Variants in UPRT observed in about 807,000 individuals in gnomAD.
UPRT encodes RP11-311P8.3.
A neutral mutation model predicts 22.6 loss-of-function variants in UPRT; 5 were observed. That is an observed-to-expected ratio of 0.22 (90% CI 0.12 to 0.47). The LOEUF (loss-of-function observed/expected upper bound fraction) is 0.47. UPRT is among the 20% of genes least tolerant of loss of function. UPRT has a pLI of 0.99. For missense variants in UPRT, 181 were observed against 239.9 expected (o/e 0.75, Z 1.62); for synonymous variants, 77 against 87.7 (o/e 0.88, Z 0.68).
intron 4 of UPRT, among the ~76,000 whole-genome samples, chrX:75,247,414 C>T (rs756846065): frequency 1.1e-4 from 12 of 112,149 alleles, no homozygotes; most frequent in African/African-American, 3.2e-4. Flanking sequence ...GTTTAACAAA[C>T]GGCACACCAA....
At chrX:75,247,622 G>C (rs2082511583) in intron 4 of UPRT, among the ~76,000 whole-genome samples, 1 of 112,766 alleles carries the variant, frequency 8.9e-6, no homozygotes, top group African/African-American at 3.2e-5. Flanking sequence ...AAGGAGGCCT[G>C]CCTGCCTCTA....
rs189628806 is a variant in UPRT at position 75,185,321 on chromosome X, A to G, written c.-447+17442A>G. On this transcript the variant is annotated intron_variant, in intron 4 of 13. Transcript: ENST00000652605. Reference sequence around the variant, plus strand: ...GGGTTCTGTGTATATGCTGGATTACATTTATTGATTTGCGTATATTGAACC... The same window carrying G: ...GGGTTCTGTGTATATGCTGGATTACGTTTATTGATTTGCGTATATTGAACC... 3.0e-3 allele frequency among the ~76,000 whole-genome samples: 340 copies of G among 112,084 alleles called. 2 individuals are homozygous for G. Among genetic ancestry groups the G allele is most frequent in the South Asian group, 0.01 (27 of 2,664 alleles).
At chrX:75,158,712 G>A (rs1278925269) in intron 1 of UPRT, among the ~76,000 whole-genome samples, 1 of 111,546 alleles carries the variant, frequency 9.0e-6, no homozygotes, top group Non-Finnish European at 1.9e-5. Context: ...TCTCACCTCA[G>A]GACCTTTCCA....
intron 4 of UPRT, among the ~76,000 whole-genome samples, chrX:75,182,357 G>A (rs1196203261): frequency 8.9e-6 from 1 of 111,908 alleles, no homozygotes; most frequent in African/African-American, 3.3e-5. Flanking sequence ...GTATGAGGAT[G>A]ATACTGGCTT....
chrX:75,156,899 T>TCTCACA (rs1555961118), intron 1 of UPRT, among the ~76,000 whole-genome samples: 1 of 99,547 alleles, frequency 1.0e-5, no homozygotes, highest in African/African-American at 3.8e-5. Context: ...TGGGACAGTC[T>TCTCACA]CACACACACA....
chrX:75,287,158 G>T (rs1220632330), intron 1 of UPRT, among the ~76,000 whole-genome samples: 1 of 110,908 alleles, frequency 9.0e-6, no homozygotes, highest in Non-Finnish European at 1.9e-5. Context: ...ATTGATTTTT[G>T]TAAAAAAAAG....
rs890086896 is a variant in UPRT at position 75,303,702 on chromosome X, A to G, written c.*191A>G. On this transcript the variant is annotated 3_prime_UTR_variant, in exon 7 of 7. Transcript: ENST00000373383. ...CTGTTGGCACCGAATTCAACAATGA[A>G]GTATATGCAACTCTTACAAAACATA... is the stretch of plus-strand genomic sequence containing the variant. 1.2e-5 allele frequency: 4 copies of G among 326,998 alleles called. No individual in the cohort carries two copies. Among genetic ancestry groups the G allele is most frequent in the African/African-American group, 2.8e-5 (1 of 36,326 alleles). 26.9% of individuals were successfully genotyped at this position (326,998 alleles called of 1,213,427 possible).
chrX:75,264,868 C>A (rs1431356132), intron 4 of UPRT, among the ~76,000 whole-genome samples: 1 of 111,982 alleles, frequency 8.9e-6, no homozygotes, highest in African/African-American at 3.2e-5. Context: ...TCTTTTAGGG[C>A]AGGCCTGGTG....
At chrX:75,162,106 CTTT>C (rs5902736) in intron 2 of UPRT, among the ~76,000 whole-genome samples, 12 of 78,939 alleles carry the variant, frequency 1.5e-4, no homozygotes, top group African/African-American at 1.7e-4. Context: ...TCTTTCTTTT[CTTT>C]TTTTTTTTTT....
At chrX:75,200,615 A>G (rs1259218669) in intron 4 of UPRT, among the ~76,000 whole-genome samples, 1 of 111,947 alleles carries the variant, frequency 8.9e-6, no homozygotes, top group Non-Finnish European at 1.9e-5. Flanking sequence ...TATTCTTTAT[A>G]AACAGAGTTT....
chrX:75,235,304 C>G (rs1200587811), intron 4 of UPRT, among the ~76,000 whole-genome samples: 1 of 111,443 alleles, frequency 9.0e-6, no homozygotes, highest in Non-Finnish European at 1.9e-5. Context: ...AATAGCTTAC[C>G]AACCAAAAAG....
At position 75,289,880 on chromosome X, in the gene UPRT, T is replaced by C. The variant is rs145062852; in HGVS notation, c.387-3592T>C. 3.7e-3 allele frequency among the ~76,000 whole-genome samples: 408 copies of C among 111,608 alleles called. 3 individuals are homozygous for C. The highest frequency in any genetic ancestry group is 0.013 in the African/African-American group (387 of 30,789). On this transcript the variant is annotated intron_variant, in intron 1 of 6. Transcript: ENST00000373383. ...GAAGAAAACCTGGTAATTACCCTTCTTACCATTGGCCTTGGGAATTTATGA... is the reference window on the plus strand; with the variant it reads ...GAAGAAAACCTGGTAATTACCCTTCCTACCATTGGCCTTGGGAATTTATGA...
intron 4 of UPRT, among the ~76,000 whole-genome samples, chrX:75,195,989 A>G (rs1276476955): frequency 8.9e-6 from 1 of 111,775 alleles, no homozygotes; most frequent in Non-Finnish European, 1.9e-5. Context: ...TGTTTTGGCT[A>G]TTCTGTGTCC....
chrX:75,173,892 G>A (rs1457050191), intron 4 of UPRT, among the ~76,000 whole-genome samples: 1 of 112,256 alleles, frequency 8.9e-6, no homozygotes, highest in Admixed American at 9.3e-5. Flanking sequence ...GCTGCTCCGA[G>A]TGCGGGGCCC....
At chrX:75,202,855 G>A (rs1324299997) in intron 4 of UPRT, 2 of 111,979 alleles carry the variant, frequency 1.8e-5, no homozygotes, top group African/African-American at 6.5e-5. Context: ...ACACATTAAA[G>A]TACAAAGACC....
chrX:75,201,464 G>T (rs2082347050), intron 4 of UPRT: 1 of 130,930 alleles, frequency 7.6e-6, no homozygotes, highest in Admixed American at 8.3e-5. Flanking sequence ...CATTGAGGAT[G>T]CTCAAGGAAA....
rs2082756470 is a variant in UPRT, at chrX:75,304,610, T to G, written c.*1099T>G. 1 of 111,157 alleles carries G rather than the reference T, an allele frequency of 9.0e-6. No individual in the cohort carries two copies. Among genetic ancestry groups the G allele is most frequent in the African/African-American group, 3.3e-5 (1 of 30,530 alleles). The allele number at this position is 111,157 out of a possible 1,213,427, so 9.2% of individuals were successfully genotyped here. A position where few individuals can be genotyped will look rare whatever the true frequency, so the allele number is the denominator to read the frequency against. On this transcript the variant is annotated 3_prime_UTR_variant, in exon 7 of 7. Coordinates refer to ENST00000373383, the MANE Select transcript of UPRT (RefSeq NM_145052.4). The stretch of plus-strand genomic sequence containing the variant: ...AAACATTTTAACAGTGTTGGCTAGC[T>G]GATTACTTGATTAATTATACTCCCA...
chrX:75,173,177 A>T (rs1397251497), intron 4 of UPRT, among the ~76,000 whole-genome samples: 1 of 112,345 alleles, frequency 8.9e-6, no homozygotes, highest in Non-Finnish European at 1.9e-5. Flanking sequence ...CAGAGTGTCG[A>T]TTGGTGCATT....
chrX:75,188,337 T>C (rs982615252), intron 4 of UPRT, among the ~76,000 whole-genome samples: 1 of 112,022 alleles, frequency 8.9e-6, no homozygotes, highest in Non-Finnish European at 1.9e-5. Flanking sequence ...GACTGCTCGG[T>C]GGTCAGGGGT....
Sources: gnomAD v4.1 joint callset for allele counts (sites outside exome capture counted in the v4.1 genomes callset) on GRCh38, gnomAD v4.1.1 for gene constraint, MANE v1.5 for transcripts, NCBI Gene and HGNC (gene_info 2026-07-23, HGNC 2026-07-21) for gene names.